Variants in PLCB2 observed in about 807,000 individuals in gnomAD.
PLCB2 encodes 1-phosphatidylinositol 4,5-bisphosphate phosphodiesterase beta-2.
In PLCB2, 115 loss-of-function variants were observed where a neutral mutation model predicts 141.7. The observed-to-expected ratio is 0.81, with a 90% CI of 0.70 to 0.95. The LOEUF (loss-of-function observed/expected upper bound fraction) is 0.95, where lower values mean the gene tolerates loss of function less well. Ranked by LOEUF, PLCB2 falls within the 40% of genes least tolerant of loss-of-function variation. The pLI is 0.00. For synonymous variants in PLCB2, 603 were observed against 595.6 expected (o/e 1.01, Z -0.18); for missense variants, 1,403 against 1,541.1 (o/e 0.91, Z 1.50).
rs768622499 is a variant in PLCB2 at position 40,299,222 on chromosome 15, C to T, written c.589G>A (p.Ala197Thr). Residue 197 changes from alanine (A) to threonine (T), a missense_variant, in exon 8 of 32, where the codon GCC becomes ACC. Ala to Thr is a moderately conservative substitution (Grantham distance 58, BLOSUM62 0). This residue lies in a region of PLCB2 where 975 missense variants were observed against 1,141.1 expected (regional missense o/e 0.85). Coordinates refer to ENST00000260402, the MANE Select transcript of PLCB2 (RefSeq NM_004573.3). ...ACHLPKGKND[A>T]INPEDFPEPV... ...TCTGGGAAGTCCTCAGGATTGATGG[C>T]GTCATTCTAGGGGCATAGTAACCTT... 5 of 1,610,646 alleles carry T rather than the reference C, an allele frequency of 3.1e-6. No homozygotes were observed. The highest frequency in any genetic ancestry group is 4.5e-5 in the East Asian group (2 of 44,882).
At position 40,297,714 on chromosome 15, in the gene PLCB2, C is replaced by T; in HGVS notation, c.1239-109G>A. ...ATCAGGGGCCAGGAGGTCAGGGAGG[C>T]TGGGACTCGAGCAGGAGAACATGAG... On this transcript the variant is annotated intron_variant, in intron 12 of 31. Transcript: ENST00000260402. The surrounding 1 kb of genome is among the most constrained non-coding windows in gnomAD (Gnocchi z 4.2). 9.9e-7 allele frequency: 1 copy of T among 1,011,688 alleles called. No individual in the cohort carries two copies. Among genetic ancestry groups the T allele is most frequent in the Non-Finnish European group, 1.5e-6 (1 of 656,204 alleles). 62.7% of individuals were successfully genotyped at this position (1,011,688 alleles called of 1,614,324 possible). A position where few individuals can be genotyped will look rare whatever the true frequency, so the allele number is the denominator to read the frequency against.
downstream of PLCB2, chr15:40,285,583 C>T (rs1297606424): frequency 1.0e-6 from 1 of 985,294 alleles, no homozygotes; most frequent in Non-Finnish European, 1.2e-6. Context: ...CTGGGGTGGC[C>T]CCCAGGAATG....
chr15:40,290,783 C>G lies in PLCB2; in HGVS notation c.3091G>C (p.Ala1031Pro). 2 of 1,613,890 alleles carry G rather than the reference C, an allele frequency of 1.2e-6. No homozygotes were observed. Among genetic ancestry groups the G allele is most frequent in the Non-Finnish European group, 1.7e-6 (2 of 1,179,974 alleles). Residue 1031 changes from alanine to proline, a missense_variant, in exon 28 of 32, where the codon GCC (alanine) becomes CCC (proline). Transcript: ENST00000260402. Reference sequence around the variant, plus strand: ...TACTTCTCCGACGTCTCCTTCAGGGCCTTCAGCTCTGCCGCCTGTTTCTCT... The same window carrying G: ...TACTTCTCCGACGTCTCCTTCAGGGGCTTCAGCTCTGCCGCCTGTTTCTCT... ...AREKQAAELK[A>P]LKETSENDTK...
intron 7 of PLCB2, among the ~76,000 whole-genome samples, chr15:40,300,053 A>G (rs2040430957): frequency 6.6e-6 from 1 of 152,238 alleles, no homozygotes; most frequent in African/African-American, 2.4e-5. Context: ...TGACTAACCT[A>G]AAACCCCACA....
At chr15:40,307,340 C>A (rs1419214265) in intron 1 of PLCB2, among the ~76,000 whole-genome samples, 1 of 152,128 alleles carries the variant, frequency 6.6e-6, no homozygotes, top group African/African-American at 2.4e-5. Flanking sequence ...AATAAACTAC[C>A]TCCAGTGACC....
intron 1 of PLCB2, among the ~76,000 whole-genome samples, chr15:40,305,884 C>G (rs1001089522): frequency 6.6e-6 from 1 of 152,196 alleles, no homozygotes; most frequent in Admixed American, 6.5e-5. Context: ...AAGGCCCTTT[C>G]CAGGGGGCCT....
In PLCB2 at chr15:40,292,423, G is replaced by A; in HGVS notation, c.2347C>T (p.His783Tyr). 1.2e-6 allele frequency: 2 copies of A among 1,613,548 alleles called. No individual in the cohort carries two copies. The highest frequency in any genetic ancestry group is 8.5e-7 in the Non-Finnish European group (1 of 1,179,592). The stretch of plus-strand genomic sequence containing the variant: ...GTGAGGGGCATGTTGCTCTCACTGT[G>A]CAGGCACAGGTGGTGGTACCCTGTG... Reference protein sequence around the residue: ...LNSGYHHLCLHSESNMPLTMP... With the variant: ...LNSGYHHLCLYSESNMPLTMP... Residue 783 changes from histidine to tyrosine, a missense_variant, in exon 22 of 32, where the codon CAC becomes TAC. By Grantham distance (83) the His-to-Tyr change is moderately conservative. Around this residue, in one of 4 missense-constraint regions of PLCB2, gnomAD observed 975 missense variants for 1,141.1 expected, o/e 0.85. Coordinates refer to ENST00000260402, the MANE Select transcript of PLCB2 (RefSeq NM_004573.3).
chr15:40,285,997 A>G, downstream of PLCB2: 1 of 985,694 alleles, frequency 1.0e-6, no homozygotes, highest in Non-Finnish European at 1.2e-6. Flanking sequence ...GTTGGTTCCC[A>G]TGGCAGGAAG....
chr15:40,285,884 G>C, downstream of PLCB2: 2 of 985,454 alleles, frequency 2.0e-6, no homozygotes, highest in Non-Finnish European at 2.4e-6. Flanking sequence ...TGAGACAACT[G>C]AGCTTCATTT....
Position 40,301,943 on chromosome 15 carries a change from G to A in PLCB2, c.582+14C>T, listed in dbSNP as rs765223804. ...AGAATGCTGGGGGATGGGCAGGGGT[G>A]CAGATCCACTCACTTTGCCTTTGGG... On this transcript the variant is annotated intron_variant, in intron 7 of 31. Transcript: ENST00000260402. 6.2e-7 allele frequency: 1 copy of A among 1,611,242 alleles called. No individual in the cohort carries two copies. The highest frequency in any genetic ancestry group is 2.2e-5 in the East Asian group (1 of 44,874).
intron 1 of PLCB2, among the ~76,000 whole-genome samples, chr15:40,304,552 A>G (rs1483162099): frequency 1.3e-5 from 2 of 152,072 alleles, no homozygotes; most frequent in Non-Finnish European, 2.9e-5. Flanking sequence ...TCCAAACCTA[A>G]GTGCCCAAAT....
At chr15:40,287,833 G>A (rs771724568), downstream of PLCB2, 108 of 710,374 alleles carry the variant, frequency 1.5e-4, no homozygotes, top group African/African-American at 3.3e-4. Context: ...TCCCCAGCCC[G>A]TTTCATTTCA....
At position 40,297,985 on chromosome 15, in the gene PLCB2, CAGA is replaced by C. The variant is rs752817273; in HGVS notation, c.1156-29_1156-27del. On this transcript the variant is annotated intron_variant, in intron 11 of 31. Coordinates refer to ENST00000260402, the MANE Select transcript of PLCB2 (RefSeq NM_004573.3). This position sits in a 1 kb window ranked among gnomAD's most constrained non-coding sequence, Gnocchi z 4.2. ...CTGGAGGAGAAGGAGACTCCATGAA[CAGA>C]AGGTCAGCGTTCCGACTGCCTGTCT... is the stretch of plus-strand genomic sequence containing the variant. 1.8e-5 allele frequency: 27 copies of C among 1,527,564 alleles called. No homozygotes were observed. The South Asian group carries it at 2.3e-4, about 13-fold the overall frequency. 94.6% of individuals were successfully genotyped at this position (1,527,564 alleles called of 1,614,324 possible).
intron 29 of PLCB2, 151 bp downstream of exon 29, chr15:40,290,426 C>T (rs1366158391): frequency 4.3e-6 from 3 of 704,426 alleles, no homozygotes; most frequent in Non-Finnish European, 2.5e-6. Flanking sequence ...GAGGAGGACA[C>T]TCTGATCAAA....
At chr15:40,298,192 C>G (rs373087882) in intron 11 of PLCB2, 31 bp downstream of exon 11, 13 of 1,530,340 alleles carry the variant, frequency 8.5e-6, no homozygotes, top group Non-Finnish European at 1.1e-5. Context: ...CCTACTGCCA[C>G]GGCCACCAGC....
chr15:40,291,243 AG>A (rs1385233135), intron 26 of PLCB2, 21 bp downstream of exon 26: 1 of 1,573,220 alleles, frequency 6.4e-7, no homozygotes, highest in Non-Finnish European at 8.6e-7. Context: ...TGCAGAGGGC[AG>A]GGCACCGCCA....
chr15:40,296,611 C>T lies in PLCB2; in HGVS notation c.1510G>A (p.Glu504Lys). The T allele has an allele frequency of 6.2e-7, 1 of 1,613,482 alleles. No individual in the cohort carries two copies. The highest frequency in any genetic ancestry group is 8.5e-7 in the Non-Finnish European group (1 of 1,179,704). Reference protein sequence around the residue: ...GTVWAGEEGTELEEEEVEEEE... With the variant: ...GTVWAGEEGTKLEEEEVEEEE... ...TCTTCCACCTCCTCCTCCTCCAGCT[C>T]AGTCCCTTCCTCGCCAGCCCACACT... is the stretch of plus-strand genomic sequence containing the variant. The change falls in exon 15 of 32, where the codon GAG becomes AAG. Residue 504 changes from glutamate to lysine, a missense_variant. Coordinates refer to ENST00000260402, the MANE Select transcript of PLCB2 (RefSeq NM_004573.3).
intron 7 of PLCB2, chr15:40,301,547 G>A (rs1210079469): frequency 1.4e-6 from 1 of 702,964 alleles, no homozygotes. Context: ...TCGACACGCT[G>A]CAGACTTCCA....
Position 40,298,868 on chromosome 15 carries a change from C to T in PLCB2, c.780G>A (p.Pro260=), listed in dbSNP as rs765963870. Residue 260 remains proline, a synonymous_variant, in exon 9 of 32, where the codon CCG becomes CCA. Transcript: ENST00000260402. ...CCTGCACCTGGTCAGGCCGTGCTGG[C>T]GGGAACAGCAGGGAGTTAAGCCGGG... The part of the protein sequence containing the change: ...RDSRLNSLLF[P]PARPDQVQGL... The T allele has an allele frequency of 2.5e-5, 40 of 1,613,154 alleles. No individual in the cohort carries two copies. Among genetic ancestry groups the T allele is most frequent in the Middle Eastern group, 1.7e-4 (1 of 6,060 alleles).
Sources: allele counts gnomAD v4.1 joint callset (sites outside exome capture counted in the v4.1 genomes callset), GRCh38; gene constraint gnomAD v4.1.1; regional missense constraint gnomAD v4.1.1; non-coding constraint Gnocchi (gnomAD v3.1); transcripts MANE v1.5; gene names NCBI Gene and HGNC (gene_info 2026-07-23, HGNC 2026-07-21).